Variants in KAZN observed in about 807,000 individuals in gnomAD.
KAZN encodes the protein kazrin.
KAZN carries 40 observed loss-of-function variants against 87.4 expected under a neutral mutation model. The ratio of observed to expected loss-of-function variants is 0.46; its 90% CI spans 0.36 to 0.60. KAZN has a LOEUF of 0.60. Ranked by LOEUF, KAZN falls within the 20% of genes least tolerant of loss-of-function variation. The pLI is 0.00. For missense variants in KAZN, 898 were observed against 1,073.9 expected (o/e 0.84, Z 2.29); for synonymous variants, 466 against 458.3 (o/e 1.02, Z -0.22).
At chr1:14,717,888 C>T (rs960475535) in intron 1 of KAZN, among the ~76,000 whole-genome samples, 14 of 152,314 alleles carry the variant, frequency 9.2e-5, no homozygotes, top group African/African-American at 2.9e-4. Flanking sequence ...CTGCTGCACC[C>T]GAAATCCAAG....
At chr1:14,117,013 T>C (rs181171098) in intron 1 of KAZN, among the ~76,000 whole-genome samples, 68 of 152,340 alleles carry the variant, frequency 4.5e-4, no homozygotes, top group African/African-American at 1.6e-3. Context: ...GCTTGGATTG[T>C]CTGTAGGAAG....
intron 1 of KAZN, among the ~76,000 whole-genome samples, chr1:14,844,683 A>G (rs754707259): frequency 6.6e-6 from 1 of 152,182 alleles, no homozygotes; most frequent in Non-Finnish European, 1.5e-5. Context: ...CCTTTCCTAT[A>G]AGGAGGAAAT....
At chr1:15,032,084 C>T (rs1035203051) in intron 2 of KAZN, among the ~76,000 whole-genome samples, 21 of 152,018 alleles carry the variant, frequency 1.4e-4, no homozygotes, top group African/African-American at 4.8e-4. Flanking sequence ...ATACTCTTAG[C>T]TACCACCCCT....
chr1:15,101,189 C>CTCTCTCTCTCTCTCTCTCT (rs1573306187), intron 10 of KAZN, among the ~76,000 whole-genome samples: 2 of 41,692 alleles, frequency 4.8e-5, no homozygotes, highest in African/African-American at 7.2e-5. Context: ...TCTCTCTCTG[C>CTCTCTCTCTCTCTCTCTCT]CTCTTCCTCT....
At chr1:14,401,304 T>C (rs1020835229) in intron 2 of KAZN, among the ~76,000 whole-genome samples, 4 of 151,822 alleles carry the variant, frequency 2.6e-5, no homozygotes. Context: ...TAACTGTTCT[T>C]ATATATATAA....
At chr1:14,175,828 G>T (rs1344545457) in intron 1 of KAZN, among the ~76,000 whole-genome samples, 1 of 152,162 alleles carries the variant, frequency 6.6e-6, no homozygotes, top group Non-Finnish European at 1.5e-5. Flanking sequence ...TGGAGTCTGT[G>T]TATTGGGAGT....
At chr1:14,170,277 A>G (rs903297893) in intron 1 of KAZN, among the ~76,000 whole-genome samples, 11 of 152,118 alleles carry the variant, frequency 7.2e-5, no homozygotes, top group Non-Finnish European at 1.3e-4. Context: ...AGGGTGGTAA[A>G]TTGATTTTGA....
Position 14,720,078 on chromosome 1 carries a change from C to T in KAZN, c.226+120855C>T, listed in dbSNP as rs139403946. ...TAATGCTCAGGGGATTTAAGGGACA[C>T]GTCTCAAGCCAGCCAGCAAATGAAT... On this transcript the variant is annotated intron_variant, in intron 1 of 14. Coordinates refer to ENST00000376030, the MANE Select transcript of KAZN (RefSeq NM_201628.3). Among the ~76,000 whole-genome samples the T allele has an allele frequency of 2.6e-4, 40 of 152,292 alleles. No homozygotes were observed. In the East Asian group the frequency reaches 5.4e-3, roughly 21 times the overall value.
intron 2 of KAZN, among the ~76,000 whole-genome samples, chr1:15,026,489 G>A (rs768905874): frequency 7.9e-5 from 12 of 152,162 alleles, no homozygotes; most frequent in Non-Finnish European, 1.6e-4. Flanking sequence ...ATTATGCTGG[G>A]GGAAAACCGA....
intron 1 of KAZN, among the ~76,000 whole-genome samples, chr1:14,029,953 T>C (rs919035237): frequency 1.3e-5 from 2 of 152,250 alleles, no homozygotes; most frequent in African/African-American, 4.8e-5. Flanking sequence ...GCCTTGGCAA[T>C]GCAGGCTCTT....
In KAZN at chr1:15,056,337, A is replaced by T; in HGVS notation, c.916+57A>T. ...GCTTCGAGGGGCTTCACAGGAGGCC[A>T]TCTGACCCAGTGGGAGAGGCAGCTG... On this transcript the variant is annotated intron_variant, in intron 5 of 14. Transcript: ENST00000376030. The surrounding 1 kb of genome is among the most constrained non-coding windows in gnomAD (Gnocchi z 5.4). The T allele has an allele frequency of 2.0e-6, 3 of 1,511,616 alleles. No homozygotes were observed. The highest frequency in any genetic ancestry group is 2.7e-6 in the Non-Finnish European group (3 of 1,116,978). The allele number at this position is 1,511,616 out of a possible 1,614,324, so 93.6% of individuals were successfully genotyped here.
intron 2 of KAZN, among the ~76,000 whole-genome samples, chr1:14,578,461 C>T (rs1300066656): frequency 6.6e-6 from 1 of 151,946 alleles, no homozygotes; most frequent in Non-Finnish European, 1.5e-5. Context: ...GAAAGTGATA[C>T]ACAAGAAGAT....
rs372227786 is a variant in KAZN at position 13,922,907 on chromosome 1, C to T, written c.91+29151C>T. Among the ~76,000 whole-genome samples, 31 of 152,256 alleles carry T rather than the reference C, an allele frequency of 2.0e-4. No homozygotes were observed. The East Asian group carries it at 2.5e-3, about 12-fold the overall frequency. Reference sequence around the variant, plus strand: ...GTTTAGCGCTTAGAACATTCGTCAGCACATAGTAGATGGACAAGGACTTAG... The same window carrying T: ...GTTTAGCGCTTAGAACATTCGTCAGTACATAGTAGATGGACAAGGACTTAG... On this transcript the variant is annotated intron_variant, in intron 1 of 16. Transcript: ENST00000636203.
At chr1:14,986,190 A>G (rs749547944) in intron 2 of KAZN, among the ~76,000 whole-genome samples, 3 of 152,042 alleles carry the variant, frequency 2.0e-5, no homozygotes, top group Non-Finnish European at 4.4e-5. Flanking sequence ...AGAAGCTTGC[A>G]TATGGACCTG....
chr1:14,757,320 A>G lies in KAZN; in HGVS notation c.226+158097A>G, dbSNP rs970604854. ...GCTCCTGCTTTCTCTTTAGTATCTC[A>G]TTTCTGAGCAATGGCTGAAGAAAGG... On this transcript the variant is annotated intron_variant, in intron 1 of 14. Transcript: ENST00000376030. Among the ~76,000 whole-genome samples the G allele has an allele frequency of 3.3e-5, 5 of 152,146 alleles. 1 individual carries two copies. In the South Asian group the frequency reaches 8.3e-4, roughly 25 times the overall value.
chr1:14,800,781 A>T (rs1348721519), intron 1 of KAZN, among the ~76,000 whole-genome samples: 1 of 152,138 alleles, frequency 6.6e-6, no homozygotes, highest in Non-Finnish European at 1.5e-5. Context: ...GTCACAAAAG[A>T]CTACACGTTG....
chr1:15,108,656 G>A (rs1641381376), intron 13 of KAZN, among the ~76,000 whole-genome samples: 1 of 152,170 alleles, frequency 6.6e-6, no homozygotes, highest in Admixed American at 6.5e-5. Context: ...TGGTTAATGG[G>A]TTGAGACTCA....
At chr1:14,544,738 T>TA (rs58351260) in intron 2 of KAZN, among the ~76,000 whole-genome samples, 5,300 of 137,782 alleles carry the variant, frequency 0.038, 303 homozygotes, top group African/African-American at 0.13. Flanking sequence ...CTTCTTTATT[T>TA]AAAAAAAAAA....
Position 14,528,522 on chromosome 1 carries a change from G to A in KAZN, c.250-70461G>A, listed in dbSNP as rs553591266. ...GCCCCCGACCAGTACAGTGGCTCAC[G>A]CCTGTAACCCCAGCACTTTGGGAGG... On this transcript the variant is annotated intron_variant, in intron 2 of 16. Transcript: ENST00000636203. 5.9e-5 allele frequency among the ~76,000 whole-genome samples: 9 copies of A among 151,760 alleles called. 1 individual carries two copies. Among genetic ancestry groups the A allele is most frequent in the South Asian group, 2.1e-4 (1 of 4,784 alleles).
Sources: gnomAD v4.1 joint callset for allele counts (sites outside exome capture counted in the v4.1 genomes callset) on GRCh38, gnomAD v4.1.1 for gene constraint, Gnocchi (gnomAD v3.1) non-coding constraint, MANE v1.5 for transcripts, NCBI Gene and HGNC (gene_info 2026-07-23, HGNC 2026-07-21) for gene names.